The following ARMC2 variants were observed in gnomAD, a reference collection of about 807,000 sequenced individuals.
ARMC2 encodes the protein armadillo repeat-containing protein 2.
ARMC2 carries 67 observed loss-of-function variants against 90.3 expected under a neutral mutation model. That is an observed-to-expected ratio of 0.74 (90% CI 0.61 to 0.91). The LOEUF is 0.91. Among genes scored for constraint, ARMC2 ranks in the 40% least tolerant of loss-of-function variants. ARMC2 has a pLI of 0.00. For missense variants in ARMC2, 920 were observed against 1,030.9 expected (o/e 0.89, Z 1.47); for synonymous variants, 393 against 393.0 (o/e 1.00, Z 0.00).
chr6:108,942,727 A>C (rs561160302), intron 12 of ARMC2, among the ~76,000 whole-genome samples: 1 of 152,310 alleles, frequency 6.6e-6, no homozygotes, highest in South Asian at 2.1e-4. Flanking sequence ...GACAATCAGA[A>C]AGAGTCAGTA....
chr6:108,983,467 T>G, the ARMC2 span, among the ~76,000 whole-genome samples: 2 of 152,344 alleles, frequency 1.3e-5, no homozygotes, highest in Middle Eastern at 6.8e-3. Flanking sequence ...CTTTTGCATG[T>G]GCATATCTAG....
At chr6:109,009,285 T>C in the ARMC2 span, 1 of 1,328,830 alleles carries the variant, frequency 7.5e-7, no homozygotes, top group South Asian at 1.6e-5. Context: ...GACCTCCGTG[T>C]TGCACAGGGC....
At chr6:108,870,593 A>C (rs1776298013) in intron 4 of ARMC2, among the ~76,000 whole-genome samples, 1 of 151,954 alleles carries the variant, frequency 6.6e-6, no homozygotes, top group Non-Finnish European at 1.5e-5. Context: ...AGGAAAGAAA[A>C]AAGGAAAGAA....
chr6:108,986,296 T>TCCTCTTTGTATGTTTC, the ARMC2 span: 1 of 152,448 alleles, frequency 6.6e-6, no homozygotes, highest in Non-Finnish European at 1.5e-5. Flanking sequence ...GAAAGTCCAC[T>TCCTCTTTGTATGTTTC]CCTCTTTGTA....
At chr6:108,949,655 T>A (rs1466510547) in intron 12 of ARMC2, among the ~76,000 whole-genome samples, 1 of 152,216 alleles carries the variant, frequency 6.6e-6, no homozygotes, top group East Asian at 1.9e-4. Context: ...TTGGGTCTGA[T>A]CAGGGTGGAG....
At chr6:108,875,641 C>T (rs1345435535) in intron 4 of ARMC2, among the ~76,000 whole-genome samples, 1 of 152,172 alleles carries the variant, frequency 6.6e-6, no homozygotes, top group African/African-American at 2.4e-5. Flanking sequence ...TATCTTATAA[C>T]ATGTCGTATA....
chr6:108,924,475 G>C (rs535126222), intron 10 of ARMC2, among the ~76,000 whole-genome samples: 2 of 147,578 alleles, frequency 1.4e-5, no homozygotes, highest in Admixed American at 1.4e-4. Context: ...CCGAGATCGA[G>C]ACTCTGTCTC....
chr6:108,935,158 G>A (rs2128491519), intron 11 of ARMC2, among the ~76,000 whole-genome samples: 1 of 152,098 alleles, frequency 6.6e-6, no homozygotes, highest in Admixed American at 6.5e-5. Context: ...TCCTAATTTT[G>A]ATTGTTCGTG....
chr6:109,040,693 C>T, the ARMC2 span, among the ~76,000 whole-genome samples: 1 of 151,074 alleles, frequency 6.6e-6, no homozygotes, highest in Admixed American at 6.6e-5. Flanking sequence ...CGCTCTGTCG[C>T]CCAGGCTGGA....
chr6:108,886,151 C>T (rs544731143), intron 5 of ARMC2, among the ~76,000 whole-genome samples: 3 of 152,348 alleles, frequency 2.0e-5, no homozygotes, highest in East Asian at 1.9e-4. Context: ...AATTTCCTTA[C>T]GTCATTTTTT....
the ARMC2 span, among the ~76,000 whole-genome samples, chr6:108,998,198 T>C: frequency 1.9e-4 from 29 of 152,328 alleles, no homozygotes; most frequent in Middle Eastern, 3.4e-3. Context: ...CTCATGTCAC[T>C]GCAGTAGCCA....
intron 10 of ARMC2, among the ~76,000 whole-genome samples, chr6:108,926,773 C>T (rs770503573): frequency 6.6e-6 from 1 of 151,860 alleles, no homozygotes; most frequent in Non-Finnish European, 1.5e-5. Flanking sequence ...TACATTGTGA[C>T]ATTGTTTAGA....
the ARMC2 span, among the ~76,000 whole-genome samples, chr6:109,024,482 T>C: frequency 6.6e-6 from 1 of 152,178 alleles, no homozygotes; most frequent in African/African-American, 2.4e-5. Context: ...CTCTCCCAGA[T>C]TAGGTTAAAA....
intron 13 of ARMC2, among the ~76,000 whole-genome samples, chr6:108,954,296 G>A (rs1777408831): frequency 1.3e-5 from 2 of 152,156 alleles, no homozygotes; most frequent in Admixed American, 1.3e-4. Flanking sequence ...CTGCTAGTGT[G>A]TAGGAAAATT....
chr6:109,020,397 TA>T, the ARMC2 span, among the ~76,000 whole-genome samples: 1 of 152,084 alleles, frequency 6.6e-6, no homozygotes, highest in Non-Finnish European at 1.5e-5. Context: ...TATTTTTAGT[TA>T]AAAAAAATTT....
chr6:108,916,854 T>C (rs775236406), intron 10 of ARMC2, among the ~76,000 whole-genome samples: 7 of 152,166 alleles, frequency 4.6e-5, no homozygotes, highest in Non-Finnish European at 1.0e-4. Flanking sequence ...TTGTGCCCTT[T>C]CCTGGAGAAC....
chr6:108,988,646 TC>T, the ARMC2 span: 1 of 1,610,748 alleles, frequency 6.2e-7, no homozygotes, highest in Non-Finnish European at 8.5e-7. Flanking sequence ...AAAGCTACGA[TC>T]CAATAGCTGG....
chr6:109,015,623 A>G, the ARMC2 span, among the ~76,000 whole-genome samples: 3 of 152,210 alleles, frequency 2.0e-5, no homozygotes, highest in Admixed American at 1.3e-4. Flanking sequence ...GAGTTAAATA[A>G]GAAGGAATGG....
chr6:108,869,032 G>A lies in ARMC2; in HGVS notation c.463+37G>A, dbSNP rs747352818. ...TAACATCCTGTAATCTCTGGGGACA[G>A]GCATGCTTCTTGAATTTGCACACAA... On this transcript the variant is annotated intron_variant, in intron 4 of 17. Coordinates refer to ENST00000392644, the MANE Select transcript of ARMC2 (RefSeq NM_032131.6). 6.5e-6 allele frequency: 10 copies of A among 1,529,772 alleles called. No homozygotes were observed. In the South Asian group the frequency reaches 1.3e-4, roughly 19 times the overall value. The allele number at this position is 1,529,772 out of a possible 1,614,324, so 94.8% of individuals were successfully genotyped here.
Sources: allele counts gnomAD v4.1 joint callset (sites outside exome capture counted in the v4.1 genomes callset), GRCh38; gene constraint gnomAD v4.1.1; transcripts MANE v1.5; gene names NCBI Gene and HGNC (gene_info 2026-07-23, HGNC 2026-07-21).